Variants in KAT7 observed in about 807,000 individuals in gnomAD.
The protein encoded by KAT7 is lysine acetyltransferase 7, also known as histone acetyltransferase KAT7.
In KAT7, 10 loss-of-function variants were observed where a neutral mutation model predicts 82.1. That is an observed-to-expected ratio of 0.12 (90% CI 0.08 to 0.21). The LOEUF is 0.21. Ranked by LOEUF, KAT7 falls within the 10% of genes least tolerant of loss-of-function variation. The pLI is 1.00. For missense variants in KAT7, 378 were observed against 760.9 expected, an observed-to-expected ratio of 0.50 and a Z score of 5.92; for synonymous variants, 250 against 262.5, an observed-to-expected ratio of 0.95 and a Z score of 0.46.
At chr17:49,804,334 G>A (rs552745184) in intron 4 of KAT7, among the ~76,000 whole-genome samples, 153 of 150,770 alleles carry the variant, frequency 1.0e-3, no homozygotes, top group African/African-American at 3.5e-3. Flanking sequence ...AGCCGAGATC[G>A]CATCACTGCA....
At chr17:49,800,850 A>T (rs1324822731) in intron 4 of KAT7, among the ~76,000 whole-genome samples, 2 of 152,184 alleles carry the variant, frequency 1.3e-5, no homozygotes, top group Non-Finnish European at 2.9e-5. Flanking sequence ...ATATACATAC[A>T]TATGTGTATG....
chr17:49,808,146 C>T (rs1291863900), intron 5 of KAT7, among the ~76,000 whole-genome samples: 2 of 120,070 alleles, frequency 1.7e-5, no homozygotes, highest in Admixed American at 9.9e-5. Context: ...TTTTTTGAGA[C>T]AGTCTCGCTC....
At chr17:49,792,576 C>T (rs1020598863) in intron 2 of KAT7, among the ~76,000 whole-genome samples, 1 of 152,064 alleles carries the variant, frequency 6.6e-6, no homozygotes, top group African/African-American at 2.4e-5. Flanking sequence ...TGGCAATGAG[C>T]CATAATAACT....
At position 49,832,777 on chromosome 17, in the gene KAT7, TG is replaced by T. The variant is rs1262861885; in HGVS notation, c.*5276del. On this transcript the variant is annotated 3_prime_UTR_variant, in exon 15 of 15. Coordinates refer to ENST00000259021, the MANE Select transcript of KAT7 (RefSeq NM_007067.5). ...ACATATGTACAGCATATCAAAGTGT[TG>T]AATGTCATGAGAATAAAATATGAAA... is the stretch of plus-strand genomic sequence containing the variant. 1.3e-5 allele frequency: 2 copies of T among 152,198 alleles called. No homozygotes were observed. The highest frequency in any genetic ancestry group is 2.9e-5 in the Non-Finnish European group (2 of 68,038). 9.4% of individuals were successfully genotyped at this position (152,198 alleles called of 1,614,324 possible).
At chr17:49,811,251 C>T (rs763489448) in intron 6 of KAT7, among the ~76,000 whole-genome samples, 4 of 151,866 alleles carry the variant, frequency 2.6e-5, no homozygotes, top group African/African-American at 7.3e-5. Context: ...GGATTACAGG[C>T]GTGCACCACC....
intron 7 of KAT7, 33 bp from the exon 8 acceptor site, chr17:49,815,765 GAGAGT>G (rs1651011907): frequency 8.3e-7 from 1 of 1,199,666 alleles, no homozygotes; most frequent in Non-Finnish European, 1.2e-6. Flanking sequence ...CTTAGAAGCA[GAGAGT>G]ATCAGAGTAT....
chr17:49,792,643 C>T (rs1020967693), intron 2 of KAT7, among the ~76,000 whole-genome samples: 2 of 152,112 alleles, frequency 1.3e-5, no homozygotes, highest in East Asian at 3.8e-4. Flanking sequence ...TAAACCAGTA[C>T]TCTTCAGTGT....
At chr17:49,818,298 G>A (rs990089123) in intron 9 of KAT7, among the ~76,000 whole-genome samples, 3 of 152,016 alleles carry the variant, frequency 2.0e-5, no homozygotes, top group South Asian at 2.1e-4. Flanking sequence ...TTCCTCCTTG[G>A]AATATGAATT....
At chr17:49,792,311 G>T (rs1250820398) in intron 2 of KAT7, among the ~76,000 whole-genome samples, 2 of 152,042 alleles carry the variant, frequency 1.3e-5, no homozygotes, top group East Asian at 3.9e-4. Flanking sequence ...TTGTTTGTTT[G>T]TTTTTTTAGA....
chr17:49,815,960 T>A (rs768346284), intron 8 of KAT7, 47 bp downstream of exon 8: 12 of 1,119,182 alleles, frequency 1.1e-5, no homozygotes, highest in African/African-American at 1.5e-5. Flanking sequence ...GAAAGGTGCT[T>A]AGAGTTGCCA....
At position 49,831,167 on chromosome 17, in the gene KAT7, T is replaced by C. The variant is rs1264857764; in HGVS notation, c.*3665T>C. 6.6e-6 allele frequency: 1 copy of C among 152,234 alleles called. No individual in the cohort carries two copies. The highest frequency in any genetic ancestry group is 2.4e-5 in the African/African-American group (1 of 41,416). The allele number at this position is 152,234 out of a possible 1,614,324, so 9.4% of individuals were successfully genotyped here. ...GGCACATGCCTGTAGTCTCAGCTACTTGGGAGGCTGAGGCACGAGAATCGC... is the reference window on the plus strand; with the variant it reads ...GGCACATGCCTGTAGTCTCAGCTACCTGGGAGGCTGAGGCACGAGAATCGC... On this transcript the variant is annotated 3_prime_UTR_variant, in exon 15 of 15. Coordinates refer to ENST00000259021, the MANE Select transcript of KAT7 (RefSeq NM_007067.5).
At position 49,788,713 on chromosome 17, in the gene KAT7, C is replaced by T. The variant is rs372333725; in HGVS notation, c.-122C>T. On this transcript the variant is annotated 5_prime_UTR_variant, in exon 1 of 15. Coordinates refer to ENST00000259021, the MANE Select transcript of KAT7 (RefSeq NM_007067.5). ...GCTCCAGACGCTGAGAGGCAGGAGGCACTAGGGATCGTCCGCAGGATTGGG... is the reference window on the plus strand; with the variant it reads ...GCTCCAGACGCTGAGAGGCAGGAGGTACTAGGGATCGTCCGCAGGATTGGG... 1.4e-3 allele frequency: 1,476 copies of T among 1,062,812 alleles called. 20 individuals are homozygous for T. In the African/African-American group the frequency reaches 0.023, roughly 16 times the overall value. The allele number at this position is 1,062,812 out of a possible 1,614,324, so 65.8% of individuals were successfully genotyped here. A position where few individuals can be genotyped will look rare whatever the true frequency, so the allele number is the denominator to read the frequency against.
In KAT7 at chr17:49,798,476, C is replaced by G. The variant is rs372636734; in HGVS notation, c.498C>G (p.Leu166=). The G allele has an allele frequency of 1.2e-6, 2 of 1,614,210 alleles. No individual in the cohort carries two copies. The highest frequency in any genetic ancestry group is 1.6e-4 in the Middle Eastern group (1 of 6,062). The part of the protein sequence containing the change: ...DMSLKDSGSD[L]SHRPKRRRFH... ...CCCTGAAGGACTCAGGCAGTGATCT[C>G]TCTCATCGCCCCAAGCGCCGTCGCT... Residue 166 remains leucine, a synonymous_variant, in exon 4 of 15, where the codon CTC becomes CTG. Coordinates refer to ENST00000259021, the MANE Select transcript of KAT7 (RefSeq NM_007067.5).
At chr17:49,816,093 C>G (rs2074230537) in intron 8 of KAT7, among the ~76,000 whole-genome samples, 180 bp downstream of exon 8, 1 of 152,268 alleles carries the variant, frequency 6.6e-6, no homozygotes, top group Non-Finnish European at 1.5e-5. Context: ...TAAAATGAAT[C>G]ACCCCTCCTC....
chr17:49,816,327 A>G (rs886108190), intron 8 of KAT7, among the ~76,000 whole-genome samples: 2 of 152,242 alleles, frequency 1.3e-5, no homozygotes, highest in South Asian at 4.1e-4. Flanking sequence ...TGAAAATAAC[A>G]GTGAAGAGGA....
chr17:49,816,093 C>T (rs2074230537), intron 8 of KAT7, among the ~76,000 whole-genome samples, 180 bp downstream of exon 8: 3 of 152,268 alleles, frequency 2.0e-5, no homozygotes, highest in African/African-American at 7.2e-5. Flanking sequence ...TAAAATGAAT[C>T]ACCCCTCCTC....
intron 12 of KAT7, 109 bp from the exon 13 acceptor site, chr17:49,825,891 A>G: frequency 9.0e-7 from 1 of 1,105,592 alleles, no homozygotes. Context: ...CTAAATCCTA[A>G]TGGAGTGGAC....
At chr17:49,794,376 C>G (rs1408128674) in intron 2 of KAT7, among the ~76,000 whole-genome samples, 2 of 152,194 alleles carry the variant, frequency 1.3e-5, no homozygotes, top group African/African-American at 4.8e-5. Flanking sequence ...GCTTCCGCCT[C>G]CTGGGTTCAA....
intron 1 of KAT7, chr17:49,789,089 G>A: frequency 2.5e-6 from 1 of 396,786 alleles, no homozygotes; most frequent in Non-Finnish European, 4.6e-6. Context: ...CTTATTAATT[G>A]GTCGCTGAAA....
Sources: allele counts gnomAD v4.1 joint callset (sites outside exome capture counted in the v4.1 genomes callset), GRCh38; gene constraint gnomAD v4.1.1; transcripts MANE v1.5; gene names NCBI Gene and HGNC (gene_info 2026-07-23, HGNC 2026-07-21).